CAMK4: variants seen among roughly 807,000 people sequenced by gnomAD.
CAMK4 encodes calcium/calmodulin dependent protein kinase IV, also known as calcium/calmodulin-dependent protein kinase type IV.
A neutral mutation model predicts 44.9 loss-of-function variants in CAMK4; 22 were observed. The observed-to-expected ratio is 0.49, with a 90% confidence interval of 0.35 to 0.70. The LOEUF is 0.70. CAMK4 is among the 30% of genes least tolerant of loss of function. CAMK4 has a pLI of 0.01. For missense variants in CAMK4, 498 were observed against 586.8 expected (o/e 0.85, Z 1.56); for synonymous variants, 218 against 215.4 (o/e 1.01, Z -0.11).
At chr5:111,426,042 A>G (rs1263278807) in intron 5 of CAMK4, among the ~76,000 whole-genome samples, 10 of 152,132 alleles carry the variant, frequency 6.6e-5, no homozygotes, top group African/African-American at 2.4e-4. Flanking sequence ...AATATATCTT[A>G]TATTCATGTG....
intron 1 of CAMK4, among the ~76,000 whole-genome samples, chr5:111,252,076 T>C (rs1164731186): frequency 1.3e-5 from 2 of 152,224 alleles, no homozygotes; most frequent in Admixed American, 6.5e-5. Context: ...GGCAGAGTTA[T>C]GGGATGCCAA....
Position 111,484,538 on chromosome 5 carries a change from G to A in CAMK4, c.*72G>A. 2.8e-6 allele frequency: 3 copies of A among 1,058,510 alleles called. No individual in the cohort carries two copies. The highest frequency in any genetic ancestry group is 3.2e-5 in the African/African-American group (2 of 63,438). The allele number at this position is 1,058,510 out of a possible 1,614,324, so 65.6% of individuals were successfully genotyped here. ...TTTGTCCTTCAGCAAGAAAGGTGTG[G>A]AAGCATGATATGTACTATAGTGATT... On this transcript the variant is annotated 3_prime_UTR_variant, in exon 11 of 11. Coordinates refer to ENST00000282356, the MANE Select transcript of CAMK4 (RefSeq NM_001744.6). The surrounding 1 kb of genome is among the most constrained non-coding windows in gnomAD (Gnocchi z 5.3).
At chr5:111,355,388 C>T (rs1350407968) in intron 2 of CAMK4, among the ~76,000 whole-genome samples, 2 of 152,032 alleles carry the variant, frequency 1.3e-5, no homozygotes, top group African/African-American at 4.8e-5. Flanking sequence ...CAAGAATATA[C>T]TTGAAAGTCA....
At chr5:111,460,029 G>A (rs890775387) in intron 7 of CAMK4, among the ~76,000 whole-genome samples, 1 of 151,960 alleles carries the variant, frequency 6.6e-6, no homozygotes, top group African/African-American at 2.4e-5. Context: ...GATGATGGGA[G>A]GAAAAGAGGT....
chr5:111,315,132 T>A (rs925513017), intron 1 of CAMK4, among the ~76,000 whole-genome samples: 1 of 152,130 alleles, frequency 6.6e-6, no homozygotes, highest in Non-Finnish European at 1.5e-5. Flanking sequence ...TGTGTGCATT[T>A]GGATGTGCTT....
chr5:111,369,247 TAA>T (rs899490598), intron 2 of CAMK4, among the ~76,000 whole-genome samples: 3 of 151,834 alleles, frequency 2.0e-5, no homozygotes, highest in African/African-American at 7.2e-5. Context: ...GTATTTTTAA[TAA>T]AGACAGGGTT....
At chr5:111,355,871 A>G (rs1046921616) in intron 2 of CAMK4, among the ~76,000 whole-genome samples, 1 of 134,668 alleles carries the variant, frequency 7.4e-6, no homozygotes, top group South Asian at 2.8e-4. Flanking sequence ...CATGGTGTAT[A>G]TGTGCCACAT....
intron 1 of CAMK4, among the ~76,000 whole-genome samples, chr5:111,230,048 C>A (rs1383012464): frequency 6.6e-6 from 1 of 152,086 alleles, no homozygotes; most frequent in East Asian, 1.9e-4. Flanking sequence ...GCATGTGTAC[C>A]CGCTTCCTCT....
At chr5:111,317,458 C>G (rs932744378) in intron 1 of CAMK4, among the ~76,000 whole-genome samples, 2 of 152,118 alleles carry the variant, frequency 1.3e-5, no homozygotes, top group Non-Finnish European at 2.9e-5. Context: ...CTCATTCGTT[C>G]AAGCTTAGCC....
At chr5:111,429,676 T>TA (rs1365385037) in intron 5 of CAMK4, among the ~76,000 whole-genome samples, 1 of 146,108 alleles carries the variant, frequency 6.8e-6, no homozygotes, top group Non-Finnish European at 1.5e-5. Context: ...CTCAGGAGGC[T>TA]GAGGTGGGAG....
chr5:111,385,489 G>C (rs1267424841), intron 4 of CAMK4, among the ~76,000 whole-genome samples: 1 of 152,062 alleles, frequency 6.6e-6, no homozygotes, highest in Non-Finnish European at 1.5e-5. Context: ...AGCTGGGCTA[G>C]GTAGAAAGCA....
At chr5:111,333,043 A>C (rs1749239100) in intron 1 of CAMK4, among the ~76,000 whole-genome samples, 1 of 151,712 alleles carries the variant, frequency 6.6e-6, no homozygotes, top group African/African-American at 2.4e-5. Context: ...TTGAGGACTG[A>C]GGTATATAGT....
intron 1 of CAMK4, among the ~76,000 whole-genome samples, chr5:111,288,075 T>C (rs1306405611): frequency 6.6e-6 from 1 of 152,222 alleles, no homozygotes; most frequent in East Asian, 1.9e-4. Context: ...ATGTAGTGTA[T>C]AATATTTTGA....
chr5:111,337,198 T>C (rs367966), intron 1 of CAMK4, among the ~76,000 whole-genome samples: 74,838 of 150,890 alleles, frequency 0.5, 19,278 homozygotes, highest in African/African-American at 0.63. Context: ...TCCTTTTTTA[T>C]TTCTAGGTAG....
intron 4 of CAMK4, 99 bp downstream of exon 4, chr5:111,377,041 A>T (rs1427932202): frequency 1.4e-6 from 1 of 719,174 alleles, no homozygotes; most frequent in East Asian, 2.6e-5. Flanking sequence ...ATAATGACAG[A>T]TTATACTTGT....
In CAMK4 at chr5:111,482,923, C is replaced by A. The variant is rs781411517; in HGVS notation, c.967C>A (p.Arg323=). The change falls in exon 10 of 11, where the codon CGG becomes AGG. Residue 323 remains arginine, a synonymous_variant. Transcript: ENST00000282356. The surrounding 1 kb of genome is among the most constrained non-coding windows in gnomAD (Gnocchi z 4.9). The part of the protein sequence containing the change: ...AQKKLQEFNA[R]RKLKAAVKAV... ...AAAGAAGCTCCAAGAATTCAATGCC[C>A]GGCGTAAGCTTAAGGTAAGATAGCA... is the stretch of plus-strand genomic sequence containing the variant. 5 of 1,603,834 alleles carry A rather than the reference C, an allele frequency of 3.1e-6. No homozygotes were observed. In the East Asian group the frequency reaches 9.0e-5, roughly 29 times the overall value.
chr5:111,310,048 G>T (rs1748132198), intron 1 of CAMK4, among the ~76,000 whole-genome samples: 2 of 152,132 alleles, frequency 1.3e-5, no homozygotes, highest in Non-Finnish European at 2.9e-5. Flanking sequence ...AGAGTTTACT[G>T]ACACCGTTTC....
chr5:111,232,109 C>G (rs1748501390), intron 1 of CAMK4, among the ~76,000 whole-genome samples: 1 of 152,110 alleles, frequency 6.6e-6, no homozygotes, highest in Non-Finnish European at 1.5e-5. Flanking sequence ...CTAAGCTTTT[C>G]AATAATTCTG....
intron 2 of CAMK4, among the ~76,000 whole-genome samples, chr5:111,347,740 C>T (rs549853550): frequency 1.3e-5 from 2 of 152,098 alleles, no homozygotes; most frequent in South Asian, 2.1e-4. Flanking sequence ...CCAGTATGAC[C>T]TAATCTTAAT....
Sources: gnomAD v4.1 joint callset for allele counts (sites outside exome capture counted in the v4.1 genomes callset) on GRCh38, gnomAD v4.1.1 for gene constraint, Gnocchi (gnomAD v3.1) non-coding constraint, MANE v1.5 for transcripts, NCBI Gene and HGNC (gene_info 2026-07-23, HGNC 2026-07-21) for gene names.